DPH6: variants seen among roughly 807,000 people sequenced by gnomAD.
The protein encoded by DPH6 is diphthamine biosynthesis 6.
DPH6 carries 33 observed loss-of-function variants against 38.2 expected under a neutral mutation model. The observed-to-expected ratio is 0.86, with a 90% CI of 0.65 to 1.15. The LOEUF (loss-of-function observed/expected upper bound fraction) is 1.15. DPH6 is among the 50% of genes most tolerant of loss of function. DPH6 has a pLI of 0.00. For synonymous variants in DPH6, 108 were observed against 103.0 expected, an observed-to-expected ratio of 1.05 and a Z score of -0.30; for missense variants, 325 against 320.0, an observed-to-expected ratio of 1.02 and a Z score of -0.12.
At chr15:35,223,383 A>G (rs924503516) in intron 3 of DPH6, among the ~76,000 whole-genome samples, 14 of 152,176 alleles carry the variant, frequency 9.2e-5, no homozygotes, top group Admixed American at 2.6e-4. Flanking sequence ...CCACCTCCCA[A>G]TGACATTATA....
chr15:35,465,856 A>G (rs1474347389), intron 3 of DPH6, among the ~76,000 whole-genome samples: 1 of 152,246 alleles, frequency 6.6e-6, no homozygotes, highest in Non-Finnish European at 1.5e-5. Flanking sequence ...GAAATTGCAG[A>G]AGAGCATAAT....
chr15:35,511,892 T>A (rs938205461), intron 3 of DPH6, among the ~76,000 whole-genome samples: 1 of 152,180 alleles, frequency 6.6e-6, no homozygotes, highest in Non-Finnish European at 1.5e-5. Context: ...AAATAAACAT[T>A]ATTTTATTCT....
chr15:35,538,904 A>G (rs576359555), intron 2 of DPH6, among the ~76,000 whole-genome samples: 1 of 152,246 alleles, frequency 6.6e-6, no homozygotes, highest in African/African-American at 2.4e-5. Flanking sequence ...CTAGTTAATA[A>G]GAGACAAATA....
the DPH6 span, among the ~76,000 whole-genome samples, chr15:35,186,677 C>T: frequency 8.1e-4 from 124 of 152,318 alleles, no homozygotes; most frequent in African/African-American, 2.9e-3. Flanking sequence ...TTAAGTATTA[C>T]ACAAGCCTAT....
At chr15:35,410,769 T>C (rs555648826) in intron 6 of DPH6, 66 bp downstream of exon 6, 134 of 1,305,846 alleles carry the variant, frequency 1.0e-4, no homozygotes, top group Middle Eastern at 5.7e-4. Flanking sequence ...TTAATCATTG[T>C]ATCACAGCAT....
At chr15:35,169,334 G>T in the DPH6 span, among the ~76,000 whole-genome samples, 2 of 152,076 alleles carry the variant, frequency 1.3e-5, no homozygotes, top group African/African-American at 4.8e-5. Context: ...GCTGCCACAG[G>T]ATGGTGTGTT....
At chr15:35,456,473 A>ATT (rs71417008) in intron 3 of DPH6, among the ~76,000 whole-genome samples, 1 of 87,362 alleles carries the variant, frequency 1.1e-5, no homozygotes, top group Non-Finnish European at 3.0e-5. Context: ...ATATATATAT[A>ATT]TTTATTTATT....
intron 5 of DPH6, among the ~76,000 whole-genome samples, chr15:35,436,500 A>AAAAAAAAAAAAC (rs1555401705): frequency 6.6e-5 from 4 of 60,558 alleles, no homozygotes; most frequent in African/African-American, 2.3e-4. Context: ...AAAACAAAAC[A>AAAAAAAAAAAAC]AAACAAAACA....
At chr15:35,245,954 A>T (rs1443741343) in intron 3 of DPH6, among the ~76,000 whole-genome samples, 2 of 152,220 alleles carry the variant, frequency 1.3e-5, no homozygotes, top group Non-Finnish European at 1.5e-5. Context: ...TAACTGAAGA[A>T]TGACAAAAGA....
At chr15:35,182,386 T>C in the DPH6 span, among the ~76,000 whole-genome samples, 4 of 152,078 alleles carry the variant, frequency 2.6e-5, no homozygotes, top group East Asian at 5.8e-4. Context: ...GTTTAGTTTC[T>C]ATTGAAGAAC....
intron 3 of DPH6, among the ~76,000 whole-genome samples, chr15:35,293,683 A>T (rs1430590710): frequency 6.6e-6 from 1 of 152,188 alleles, no homozygotes; most frequent in Non-Finnish European, 1.5e-5. Context: ...ATGATCTAGC[A>T]AGGGGGAAAA....
intron 5 of DPH6, among the ~76,000 whole-genome samples, chr15:35,419,542 C>T (rs1411013364): frequency 2.0e-5 from 3 of 151,828 alleles, no homozygotes; most frequent in Non-Finnish European, 4.4e-5. Flanking sequence ...CTATATGCTG[C>T]CTACAAGAGA....
At chr15:35,531,499 T>A (rs1427074344) in intron 3 of DPH6, among the ~76,000 whole-genome samples, 1 of 152,038 alleles carries the variant, frequency 6.6e-6, no homozygotes, top group African/African-American at 2.4e-5. Flanking sequence ...TGAGGCAGAG[T>A]CTCACTCTGT....
chr15:35,471,132 T>C (rs539666963), intron 3 of DPH6, among the ~76,000 whole-genome samples: 18 of 152,330 alleles, frequency 1.2e-4, no homozygotes, highest in African/African-American at 3.8e-4. Context: ...TAATGTAACA[T>C]GTGAAGGTGC....
Position 35,455,915 on chromosome 15 carries a change from T to C in DPH6, c.313-1095A>G, listed in dbSNP as rs145955892. Among the ~76,000 whole-genome samples, 146 of 152,202 alleles carry C rather than the reference T, an allele frequency of 9.6e-4. 7 individuals are homozygous for C. In the East Asian group the frequency reaches 0.017, roughly 17 times the overall value. ...TTCACATCAAACAAAAGTTAATATT[T>C]CAAGTCATACTGAAATAACCCTGTG... is the stretch of plus-strand genomic sequence containing the variant. On this transcript the variant is annotated intron_variant, in intron 3 of 8. Coordinates refer to ENST00000256538, the MANE Select transcript of DPH6 (RefSeq NM_080650.4).
At position 35,275,726 on chromosome 15, in the gene DPH6, A is replaced by AT. The variant is rs1555390647; in HGVS notation, n.201-55145_201-55144insA. Among the ~76,000 whole-genome samples, 357 of 152,036 alleles carry AT rather than the reference A, an allele frequency of 2.3e-3. 2 individuals carry two copies. Among genetic ancestry groups the AT allele is most frequent in the Middle Eastern group, 3.4e-3 (1 of 294 alleles). On this transcript the variant is annotated intron_variant and non_coding_transcript_variant, in intron 3 of 3. Coordinates refer to the DPH6 transcript ENST00000560386. ...CAGACCTTAAAGTAAAAAAAAAAAA[A>AT]AATAATAATATTAGTCTTCAATCTC...
exon 4 of DPH6, chr15:35,217,888 T>C (rs2051419461): frequency 6.6e-6 from 1 of 152,232 alleles, no homozygotes; most frequent in Non-Finnish European, 1.5e-5. Flanking sequence ...ATGTCCCTGA[T>C]ATAAAATGGC....
rs565445143 is a variant in DPH6 at position 35,365,326 on chromosome 15, A to G, written n.207+8195T>C. On this transcript the variant is annotated intron_variant and non_coding_transcript_variant, in intron 3 of 3. Transcript: ENST00000558973. ...ATAGAATACAAGCTCCATGAAAGCA[A>G]TATTTTTTAACTGTTCAGTTCACTA... is the stretch of plus-strand genomic sequence containing the variant. Among the ~76,000 whole-genome samples, 94 of 152,250 alleles carry G rather than the reference A, an allele frequency of 6.2e-4. No individual in the cohort carries two copies. In the Middle Eastern group the frequency reaches 0.01, roughly 17 times the overall value.
intron 6 of DPH6, among the ~76,000 whole-genome samples, chr15:35,398,140 T>G (rs895449134): frequency 1.4e-4 from 21 of 152,160 alleles, no homozygotes; most frequent in African/African-American, 5.1e-4. Context: ...AATACTCTTG[T>G]AGATAGGAGT....
Sources: allele counts gnomAD v4.1 joint callset (sites outside exome capture counted in the v4.1 genomes callset), GRCh38; gene constraint gnomAD v4.1.1; transcripts MANE v1.5; gene names NCBI Gene and HGNC (gene_info 2026-07-23, HGNC 2026-07-21).